Variants in CREB3L3 observed in about 807,000 individuals in gnomAD.
CREB3L3 encodes cyclic AMP-responsive element-binding protein 3-like protein 3.
Under a neutral mutation model 44.6 loss-of-function variants are expected in CREB3L3, and 40 were observed. The observed-to-expected ratio is 0.90, with a 90% CI of 0.70 to 1.17. The LOEUF is 1.17. Among genes scored for constraint, CREB3L3 ranks in the 50% most tolerant of loss-of-function variants. CREB3L3 has a pLI of 0.00. For missense variants in CREB3L3, 578 were observed against 595.8 expected, an observed-to-expected ratio of 0.97 and a Z score of 0.31; for synonymous variants, 273 against 256.3, an observed-to-expected ratio of 1.06 and a Z score of -0.62.
intron 2 of CREB3L3, among the ~76,000 whole-genome samples, chr19:4,155,333 C>T (rs1358374605): frequency 2.0e-5 from 3 of 151,132 alleles, no homozygotes; most frequent in East Asian, 1.9e-4. Flanking sequence ...TTCTCTTCTC[C>T]TTCCTCTCCT....
rs1012613733 is a variant in CREB3L3, at chr19:4,172,233, A to C, written c.*264A>C. The C allele has an allele frequency of 6.9e-6, 4 of 583,892 alleles. No individual in the cohort carries two copies. In the African/African-American group the frequency reaches 7.5e-5, roughly 11 times the overall value. 36.2% of individuals were successfully genotyped at this position (583,892 alleles called of 1,614,324 possible). A position where few individuals can be genotyped will look rare whatever the true frequency, so the allele number is the denominator to read the frequency against. ...GAGCAGAAGCAAAGAGCAGACACAC[A>C]TACAGCCTGAAACAGACCTGGACAG... On this transcript the variant is annotated 3_prime_UTR_variant, in exon 10 of 10. Coordinates refer to ENST00000078445, the MANE Select transcript of CREB3L3 (RefSeq NM_032607.3).
At chr19:4,165,188 T>A (rs983620634) in intron 5 of CREB3L3, among the ~76,000 whole-genome samples, 55 of 149,406 alleles carry the variant, frequency 3.7e-4, no homozygotes, top group Non-Finnish European at 6.9e-4. Flanking sequence ...TTTTTTTTTT[T>A]GGAGATAGGG....
rs1967048967 is a variant in CREB3L3 at position 4,171,591 on chromosome 19, C to T, written c.1073-65C>T. On this transcript the variant is annotated intron_variant, in intron 9 of 9. Coordinates refer to ENST00000078445, the MANE Select transcript of CREB3L3 (RefSeq NM_032607.3). The surrounding 1 kb of genome is among the most constrained non-coding windows in gnomAD (Gnocchi z 4.9). ...GCCCTTGTTCCCTGAGGCTGGGGGC[C>T]AGGGAAGGGAGCATAGGACCCCACC... 6.2e-7 allele frequency: 1 copy of T among 1,603,180 alleles called. No individual in the cohort carries two copies. The highest frequency in any genetic ancestry group is 8.5e-7 in the Non-Finnish European group (1 of 1,170,490).
At chr19:4,170,899 G>A (rs959384966) in intron 7 of CREB3L3, among the ~76,000 whole-genome samples, 192 bp from the exon 8 acceptor site, 2 of 151,888 alleles carry the variant, frequency 1.3e-5, no homozygotes, top group South Asian at 2.1e-4. Flanking sequence ...GATGGAGCAA[G>A]ACTCTGTCTC....
Position 4,171,569 on chromosome 19 carries a change from C to G in CREB3L3, c.1073-87C>G. 1.9e-6 allele frequency: 3 copies of G among 1,600,494 alleles called. No homozygotes were observed. Among genetic ancestry groups the G allele is most frequent in the South Asian group, 2.2e-5 (2 of 90,760 alleles). On this transcript the variant is annotated intron_variant, in intron 9 of 9. Transcript: ENST00000078445. This position sits in a 1 kb window ranked among gnomAD's most constrained non-coding sequence, Gnocchi z 4.9. ...GGGAGGGGGAGAAGACCCCTGTGCC[C>G]TTGTTCCCTGAGGCTGGGGGCCAGG...
chr19:4,165,216 G>A (rs537690808), intron 5 of CREB3L3, among the ~76,000 whole-genome samples: 4 of 151,120 alleles, frequency 2.6e-5, no homozygotes, highest in Admixed American at 6.6e-5. Context: ...GTGTCCCGCT[G>A]GAGTGCAGTG....
rs569964419 is a variant in CREB3L3, at chr19:4,172,252, T to C, written c.*283T>C. ...ACACACATACAGCCTGAAACAGACC[T>C]GGACAGACAGACACAGCCTGAAACA... On this transcript the variant is annotated 3_prime_UTR_variant, in exon 10 of 10. Coordinates refer to ENST00000078445, the MANE Select transcript of CREB3L3 (RefSeq NM_032607.3). 1.4e-5 allele frequency: 8 copies of C among 556,848 alleles called. No homozygotes were observed. The highest frequency in any genetic ancestry group is 2.1e-5 in the South Asian group (1 of 47,076). 34.5% of individuals were successfully genotyped at this position (556,848 alleles called of 1,614,324 possible).
At chr19:4,160,132 C>CA (rs1242994661) in intron 4 of CREB3L3, among the ~76,000 whole-genome samples, 1 of 151,552 alleles carries the variant, frequency 6.6e-6, no homozygotes, top group East Asian at 2.0e-4. Context: ...CCCATCTATA[C>CA]AAAAAATACA....
At chr19:4,166,421 ATTTTTT>A (rs35783380) in intron 5 of CREB3L3, among the ~76,000 whole-genome samples, 24 of 103,744 alleles carry the variant, frequency 2.3e-4, no homozygotes, top group Non-Finnish European at 1.7e-4. Flanking sequence ...CGCCTGGCTA[ATTTTTT>A]TTTTTTTTTT....
chr19:4,154,232 C>G (rs1450925526), intron 1 of CREB3L3, among the ~76,000 whole-genome samples: 1 of 151,894 alleles, frequency 6.6e-6, no homozygotes, highest in Non-Finnish European at 1.5e-5. Flanking sequence ...CCACCACGCC[C>G]GGCTAATTTT....
At chr19:4,158,347 A>G (rs992393504) in intron 3 of CREB3L3, among the ~76,000 whole-genome samples, 3 of 151,860 alleles carry the variant, frequency 2.0e-5, no homozygotes. Flanking sequence ...AAAATACAAA[A>G]TTAGCCGGGC....
At position 4,172,019 on chromosome 19, in the gene CREB3L3, G is replaced by A; in HGVS notation, c.*50G>A. On this transcript the variant is annotated 3_prime_UTR_variant, in exon 10 of 10. Coordinates refer to ENST00000078445, the MANE Select transcript of CREB3L3 (RefSeq NM_032607.3). ...GCCCCTCTGCCCAGGGGTGCCTTGG[G>A]GATGCTGCACTGGGCAGCTACCCAC... The A allele has an allele frequency of 1.3e-6, 2 of 1,509,460 alleles. No individual in the cohort carries two copies. The highest frequency in any genetic ancestry group is 8.9e-7 in the Non-Finnish European group (1 of 1,127,044). 93.5% of individuals were successfully genotyped at this position (1,509,460 alleles called of 1,614,324 possible). A position where few individuals can be genotyped will look rare whatever the true frequency, so the allele number is the denominator to read the frequency against.
At chr19:4,158,940 G>A (rs1160058123) in intron 3 of CREB3L3, among the ~76,000 whole-genome samples, 1 of 152,180 alleles carries the variant, frequency 6.6e-6, no homozygotes, top group African/African-American at 2.4e-5. Flanking sequence ...CCTACTGCAT[G>A]CCGGCTACCA....
At position 4,158,704 on chromosome 19, in the gene CREB3L3, G is replaced by A. The variant is rs573541558; in HGVS notation, c.458-960G>A. 3.3e-5 allele frequency among the ~76,000 whole-genome samples: 5 copies of A among 151,904 alleles called. No individual in the cohort carries two copies. In the East Asian group the frequency reaches 9.7e-4, roughly 29 times the overall value. ...TAGTCTCAGCTACTCGGGAGGCTAA[G>A]GCAGGAGAATCTCTTGAACCTGGGA... On this transcript the variant is annotated intron_variant, in intron 3 of 9. Coordinates refer to ENST00000078445, the MANE Select transcript of CREB3L3 (RefSeq NM_032607.3).
chr19:4,159,214 A>G (rs1020115610), intron 3 of CREB3L3, among the ~76,000 whole-genome samples: 21 of 150,480 alleles, frequency 1.4e-4, no homozygotes, highest in South Asian at 6.3e-4. Context: ...GCAGTGCCAC[A>G]TTCTCAGCTC....
intron 3 of CREB3L3, 47 bp downstream of exon 3, chr19:4,157,342 G>A (rs2041599293): frequency 6.2e-7 from 1 of 1,602,580 alleles, no homozygotes; most frequent in East Asian, 2.2e-5. Context: ...TTGTTCCAGG[G>A]CCCTTCCTGT....
rs1353029460 is a variant in CREB3L3, at chr19:4,172,507, G to GGACA, written c.*551_*554dup. 1.0e-5 allele frequency: 1 copy of GGACA among 98,134 alleles called. No individual in the cohort carries two copies. Among genetic ancestry groups the GGACA allele is most frequent in the South Asian group, 9.1e-5 (1 of 11,034 alleles). The allele number at this position is 98,134 out of a possible 1,614,324, so 6.1% of individuals were successfully genotyped here. A position where few individuals can be genotyped will look rare whatever the true frequency, so the allele number is the denominator to read the frequency against. On this transcript the variant is annotated 3_prime_UTR_variant, in exon 10 of 10. Transcript: ENST00000078445. ...GACAGACACAGCCTGAAACAGACCCGGACAGACAGACAGACACAGCCTGAA... is the reference window on the plus strand; with the variant it reads ...GACAGACACAGCCTGAAACAGACCCGGACAGACAGACAGACAGACACAGCCTGAA...
chr19:4,167,961 T>A (rs867445331), intron 5 of CREB3L3, among the ~76,000 whole-genome samples: 7 of 139,106 alleles, frequency 5.0e-5, no homozygotes, highest in Non-Finnish European at 9.3e-5. Context: ...TTTAATTTTT[T>A]AATTTTAATT....
At chr19:4,165,444 G>A (rs1034555918) in intron 5 of CREB3L3, among the ~76,000 whole-genome samples, 1 of 151,732 alleles carries the variant, frequency 6.6e-6, no homozygotes. Context: ...CAAAGTGTTG[G>A]GATTACAGGC....
Sources: allele counts gnomAD v4.1 joint callset (sites outside exome capture counted in the v4.1 genomes callset), GRCh38; gene constraint gnomAD v4.1.1; non-coding constraint Gnocchi (gnomAD v3.1); transcripts MANE v1.5; gene names NCBI Gene and HGNC (gene_info 2026-07-23, HGNC 2026-07-21).